The following PTPRC variants were observed in gnomAD, a reference collection of about 807,000 sequenced individuals.
PTPRC encodes receptor-type tyrosine-protein phosphatase C.
PTPRC carries 44 observed loss-of-function variants against 155.9 expected under a neutral mutation model. That is an observed-to-expected ratio of 0.28 (90% CI 0.22 to 0.36). The LOEUF (loss-of-function observed/expected upper bound fraction) is 0.36, where lower values mean the gene tolerates loss of function less well. Among genes scored for constraint, PTPRC ranks in the 10% least tolerant of loss-of-function variants. The pLI, the probability that PTPRC is intolerant of heterozygous loss-of-function variation, is 1.00. For synonymous variants in PTPRC, 525 were observed against 533.1 expected (o/e 0.98, Z 0.21); for missense variants, 1,401 against 1,564.6 (o/e 0.90, Z 1.76).
intron 14 of PTPRC, among the ~76,000 whole-genome samples, chr1:198,719,900 C>T (rs1653800418): frequency 6.6e-6 from 1 of 152,118 alleles, no homozygotes; most frequent in South Asian, 2.1e-4. Flanking sequence ...TGTGAGCCAC[C>T]GTGCCCGGCC....
chr1:198,733,012 C>T (rs73083322), intron 20 of PTPRC, among the ~76,000 whole-genome samples: 36 of 151,872 alleles, frequency 2.4e-4, no homozygotes, highest in African/African-American at 8.7e-4. Context: ...TTAATTTCAT[C>T]ACACTAAATT....
At chr1:198,686,235 T>A (rs1307862916) in intron 2 of PTPRC, among the ~76,000 whole-genome samples, 1 of 152,182 alleles carries the variant, frequency 6.6e-6, no homozygotes, top group Admixed American at 6.5e-5. Flanking sequence ...CTGTTTAATG[T>A]ATCTAGTCAA....
chr1:198,670,478 A>T (rs983310687), intron 2 of PTPRC, among the ~76,000 whole-genome samples: 3 of 152,190 alleles, frequency 2.0e-5, no homozygotes, highest in African/African-American at 7.2e-5. Context: ...TTTAAAAATT[A>T]AATCTTCTAA....
At position 198,757,386 on chromosome 1, in the gene PTPRC, T is replaced by G. The variant is rs1210496652; in HGVS notation, c.*1205T>G. 6.6e-6 allele frequency: 1 copy of G among 151,542 alleles called. No homozygotes were observed. The highest frequency in any genetic ancestry group is 1.5e-5 in the Non-Finnish European group (1 of 67,682). 9.4% of individuals were successfully genotyped at this position (151,542 alleles called of 1,614,324 possible). ...AGGACACTTTTACAGGCCCCAATTA[T>G]CCAATAGTCTAATAATTGTTTAAGA... On this transcript the variant is annotated 3_prime_UTR_variant, in exon 33 of 33. Transcript: ENST00000442510.
rs1331529057 is a variant in PTPRC at position 198,756,761 on chromosome 1, A to AAGTT, written c.*581_*584dup. 5 of 152,156 alleles carry AAGTT rather than the reference A, an allele frequency of 3.3e-5. No individual in the cohort carries two copies. In the East Asian group the frequency reaches 9.7e-4, roughly 30 times the overall value. 9.4% of individuals were successfully genotyped at this position (152,156 alleles called of 1,614,324 possible). A position where few individuals can be genotyped will look rare whatever the true frequency, so the allele number is the denominator to read the frequency against. ...TATGTGTGTGTATGCTACTACAAAAAAGTTGTTAACTAAATTAACATTGGG... is the reference window on the plus strand; with the variant it reads ...TATGTGTGTGTATGCTACTACAAAAAAGTTAGTTGTTAACTAAATTAACATTGGG... On this transcript the variant is annotated 3_prime_UTR_variant, in exon 33 of 33. Coordinates refer to ENST00000442510, the MANE Select transcript of PTPRC (RefSeq NM_002838.5).
rs143761683 is a variant in PTPRC, at chr1:198,731,619, G to A, written c.1867G>A (p.Asp623Asn). The A allele has an allele frequency of 6.2e-7, 1 of 1,601,028 alleles. No homozygotes were observed. The highest frequency in any genetic ancestry group is 8.6e-7 in the Non-Finnish European group (1 of 1,168,756). The change falls in exon 18 of 33, where the codon GAT becomes AAT. Residue 623 changes from aspartate (D) to asparagine (N), a missense_variant and splice_region_variant. Coordinates refer to ENST00000442510, the MANE Select transcript of PTPRC (RefSeq NM_002838.5). Reference sequence around the variant, plus strand: ...TTGAATCTTTAATATGTTTCCAGATGATGAAAAACAACTGATGAATGTGGA... The same window carrying A: ...TTGAATCTTTAATATGTTTCCAGATAATGAAAAACAACTGATGAATGTGGA... ...DEQQELVERD[D>N]EKQLMNVEPI...
In PTPRC at chr1:198,752,591, T is replaced by C. The variant is rs1273941300; in HGVS notation, c.3331-3T>C. 1 of 1,611,514 alleles carries C rather than the reference T, an allele frequency of 6.2e-7. No homozygotes were observed. The highest frequency in any genetic ancestry group is 8.5e-7 in the Non-Finnish European group (1 of 1,178,422). The stretch of plus-strand genomic sequence containing the variant: ...TTAATGCTCTCTTCAATTCTGATTT[T>C]AGAGGAAAGACTCTCGAACTGTGTA... On this transcript the variant is annotated splice_polypyrimidine_tract_variant and splice_region_variant and intron_variant, in intron 30 of 32. Transcript: ENST00000442510.
At position 198,702,515 on chromosome 1, in the gene PTPRC, A is replaced by T. The variant is rs1666513355; in HGVS notation, c.568A>T (p.Thr190Ser). 3 of 1,614,044 alleles carry T rather than the reference A, an allele frequency of 1.9e-6. No individual in the cohort carries two copies. Among genetic ancestry groups the T allele is most frequent in the South Asian group, 1.1e-5 (1 of 91,078 alleles). ...TGCACGCACCTCCAACACCACCATCACAGCGAACACCTCAGGTCTGACTAT... is the reference window on the plus strand; with the variant it reads ...TGCACGCACCTCCAACACCACCATCTCAGCGAACACCTCAGGTCTGACTAT... ...LPARTSNTTI[T>S]ANTSDAYLNA... is the part of the protein sequence containing the mutation. The change falls in exon 6 of 33, where the codon ACA becomes TCA. Residue 190 changes from threonine (T) to serine (S), a missense_variant. Coordinates refer to ENST00000442510, the MANE Select transcript of PTPRC (RefSeq NM_002838.5).
At chr1:198,743,940 C>G in intron 25 of PTPRC, 114 bp from the exon 26 acceptor site, 3 of 1,025,850 alleles carry the variant, frequency 2.9e-6, no homozygotes, top group Non-Finnish European at 4.4e-6. Flanking sequence ...ATTTACTTTG[C>G]CATGAATTGT....
chr1:198,691,494 T>A (rs1665922330), intron 2 of PTPRC, among the ~76,000 whole-genome samples: 1 of 152,092 alleles, frequency 6.6e-6, no homozygotes, highest in Non-Finnish European at 1.5e-5. Context: ...ATACTCTTCC[T>A]ACGTAGGACA....
At chr1:198,745,650 T>G (rs988121143) in intron 26 of PTPRC, among the ~76,000 whole-genome samples, 1 of 151,778 alleles carries the variant, frequency 6.6e-6, no homozygotes, top group Admixed American at 6.6e-5. Context: ...GTCAGTTGGT[T>G]GTATTGTTTT....
At chr1:198,723,253 G>A (rs1653980299) in intron 15 of PTPRC, among the ~76,000 whole-genome samples, 2 of 152,002 alleles carry the variant, frequency 1.3e-5, no homozygotes, top group African/African-American at 4.8e-5. Flanking sequence ...ATTGTAAATA[G>A]AATTATTTAA....
At chr1:198,640,481 TTTG>T (rs1156711389) in intron 2 of PTPRC, among the ~76,000 whole-genome samples, 27 of 151,838 alleles carry the variant, frequency 1.8e-4, no homozygotes, top group Admixed American at 1.6e-3. Flanking sequence ...ACATAAGATT[TTTG>T]TTGTTGTTGT....
In PTPRC at chr1:198,673,845, T is replaced by C. The variant is rs530999506; in HGVS notation, c.74-18502T>C. ...TTTTCTTAACTTTGCTTGTATGTTG[T>C]AGAAAGCTAATCTAAATTTAAGAAA... is the stretch of plus-strand genomic sequence containing the variant. On this transcript the variant is annotated intron_variant, in intron 2 of 32. Transcript: ENST00000442510. Among the ~76,000 whole-genome samples the C allele has an allele frequency of 2.4e-4, 36 of 152,302 alleles. No homozygotes were observed. The South Asian group carries it at 7.5e-3, about 32-fold the overall frequency.
chr1:198,717,716 A>G (rs1489132388), intron 13 of PTPRC, among the ~76,000 whole-genome samples: 1 of 152,138 alleles, frequency 6.6e-6, no homozygotes, highest in Non-Finnish European at 1.5e-5. Flanking sequence ...ACTCCGGGAA[A>G]GAAGGGTCTA....
At chr1:198,708,335 C>G (rs1170910584) in intron 10 of PTPRC, 74 bp downstream of exon 10, 1 of 1,431,952 alleles carries the variant, frequency 7.0e-7, no homozygotes, top group Non-Finnish European at 9.7e-7. Flanking sequence ...TAATCTTACT[C>G]TCTGCCCTTT....
chr1:198,743,322 C>T (rs1293522932), intron 25 of PTPRC, among the ~76,000 whole-genome samples: 1 of 151,430 alleles, frequency 6.6e-6, no homozygotes, highest in Admixed American at 6.6e-5. Context: ...TTAAAAAAAA[C>T]ATGAAAATGT....
chr1:198,728,869 G>A (rs1654262886), intron 16 of PTPRC, among the ~76,000 whole-genome samples: 1 of 152,014 alleles, frequency 6.6e-6, no homozygotes, highest in African/African-American at 2.4e-5. Flanking sequence ...ACTTATGTGA[G>A]TTTAGCAGAC....
In PTPRC at chr1:198,756,436, G is replaced by A. The variant is rs558489291; in HGVS notation, c.*255G>A. 18 of 491,454 alleles carry A rather than the reference G, an allele frequency of 3.7e-5. No homozygotes were observed. The highest frequency in any genetic ancestry group is 3.7e-4 in the South Asian group (17 of 46,536). 30.4% of individuals were successfully genotyped at this position (491,454 alleles called of 1,614,324 possible). A position where few individuals can be genotyped will look rare whatever the true frequency, so the allele number is the denominator to read the frequency against. ...CAACTTCTTTGTAATCGTTATGTGT[G>A]TATATGTATGTGTGTATGGGTGTGT... On this transcript the variant is annotated 3_prime_UTR_variant, in exon 33 of 33. Transcript: ENST00000442510.
Sources: gnomAD v4.1 joint callset for allele counts (sites outside exome capture counted in the v4.1 genomes callset) on GRCh38, gnomAD v4.1.1 for gene constraint, MANE v1.5 for transcripts, NCBI Gene and HGNC (gene_info 2026-07-23, HGNC 2026-07-21) for gene names.